The following CRKL variants were observed in gnomAD, a reference collection of about 807,000 sequenced individuals.
CRKL encodes crk-like protein.
In CRKL, 3 loss-of-function variants were observed where a neutral mutation model predicts 23.0. The ratio of observed to expected loss-of-function variants is 0.13; its 90% CI spans 0.06 to 0.34. CRKL has a LOEUF of 0.34. Among genes scored for constraint, CRKL ranks in the 10% least tolerant of loss-of-function variants. The pLI is 1.00. For synonymous variants in CRKL, 188 were observed against 160.7 expected (o/e 1.17, Z -1.28); for missense variants, 256 against 394.5 (o/e 0.65, Z 2.97).
intron 2 of CRKL, among the ~76,000 whole-genome samples, chr22:20,943,859 G>A (rs1921962495): frequency 6.6e-6 from 1 of 152,176 alleles, no homozygotes; most frequent in East Asian, 1.9e-4. Flanking sequence ...ATAAATGTGT[G>A]GGTTTATTTT....
intron 1 of CRKL, among the ~76,000 whole-genome samples, chr22:20,921,201 G>GC (rs1219617072): frequency 2.0e-5 from 3 of 152,196 alleles, no homozygotes; most frequent in African/African-American, 7.2e-5. Flanking sequence ...AGCTTTTAAA[G>GC]CCAGAGTTTC....
intron 1 of CRKL, among the ~76,000 whole-genome samples, chr22:20,932,828 G>A (rs1921504111): frequency 1.3e-5 from 2 of 152,178 alleles, no homozygotes; most frequent in African/African-American, 4.8e-5. Context: ...TGTAATGACA[G>A]CACTTTGGGA....
chr22:20,933,771 C>T lies in CRKL; in HGVS notation c.312-8C>T. ...TTTCTCTTAGAGTAATTTTCTTTCT[C>T]TCTTAAGGTATCCAAGCCCACCAAT... is the stretch of plus-strand genomic sequence containing the variant. On this transcript the variant is annotated splice_region_variant and splice_polypyrimidine_tract_variant and intron_variant, in intron 1 of 2. Transcript: ENST00000354336. The T allele has an allele frequency of 6.2e-7, 1 of 1,605,930 alleles. No individual in the cohort carries two copies. Among genetic ancestry groups the T allele is most frequent in the South Asian group, 1.1e-5 (1 of 90,262 alleles).
chr22:20,940,902 T>C (rs138425339), intron 2 of CRKL, among the ~76,000 whole-genome samples: 1 of 152,272 alleles, frequency 6.6e-6, no homozygotes, highest in East Asian at 1.9e-4. Context: ...ATTTTCTTCA[T>C]TGCTGCATCT....
At chr22:20,925,269 A>G (rs1921157913) in intron 1 of CRKL, among the ~76,000 whole-genome samples, 1 of 151,458 alleles carries the variant, frequency 6.6e-6, no homozygotes, top group African/African-American at 2.4e-5. Context: ...ACTCAAATCC[A>G]CAGAATTGTG....
At chr22:20,922,086 C>T (rs1380892638) in intron 1 of CRKL, among the ~76,000 whole-genome samples, 1 of 144,824 alleles carries the variant, frequency 6.9e-6, no homozygotes. Flanking sequence ...AATCTCGGCT[C>T]ACTGCAACCT....
chr22:20,918,111 C>T lies in CRKL; in HGVS notation c.177C>T (p.Ser59=), dbSNP rs1233258957. 1.9e-6 allele frequency: 3 copies of T among 1,614,158 alleles called. No individual in the cohort carries two copies. Among genetic ancestry groups the T allele is most frequent in the Non-Finnish European group, 2.5e-6 (3 of 1,180,034 alleles). ...CGGTGTCCGAGAACTCGCGGGTCTCCCACTACATCATCAACTCGCTGCCCA... is the reference window on the plus strand; with the variant it reads ...CGGTGTCCGAGAACTCGCGGGTCTCTCACTACATCATCAACTCGCTGCCCA... ...VLSVSENSRV[S]HYIINSLPNR... The change falls in exon 1 of 3, where the codon TCC becomes TCT. Residue 59 remains serine (S), a synonymous_variant. Coordinates refer to ENST00000354336, the MANE Select transcript of CRKL (RefSeq NM_005207.4).
In CRKL at chr22:20,933,774, T is replaced by C; in HGVS notation, c.312-5T>C. The C allele has an allele frequency of 6.2e-7, 1 of 1,607,900 alleles. No homozygotes were observed. ...CTCTTAGAGTAATTTTCTTTCTCTC[T>C]TAAGGTATCCAAGCCCACCAATGGG... is the stretch of plus-strand genomic sequence containing the variant. On this transcript the variant is annotated splice_region_variant and splice_polypyrimidine_tract_variant and intron_variant, in intron 1 of 2. Transcript: ENST00000354336.
intron 2 of CRKL, among the ~76,000 whole-genome samples, chr22:20,941,449 G>A (rs1371488340): frequency 6.7e-6 from 1 of 149,288 alleles, no homozygotes; most frequent in Admixed American, 6.7e-5. Context: ...TGCAAATGTA[G>A]GAATCTTTAG....
chr22:20,941,157 C>G (rs5752294), intron 2 of CRKL, among the ~76,000 whole-genome samples: 1 of 152,060 alleles, frequency 6.6e-6, no homozygotes, highest in Non-Finnish European at 1.5e-5. Flanking sequence ...ACGTCACATT[C>G]TAGCAACGTG....
chr22:20,952,653 G>C lies in CRKL; in HGVS notation c.*2808G>C, dbSNP rs1488593689. The C allele has an allele frequency of 1.7e-5, 4 of 232,346 alleles. No homozygotes were observed. The highest frequency in any genetic ancestry group is 8.8e-5 in the African/African-American group (4 of 45,288). 14.4% of individuals were successfully genotyped at this position (232,346 alleles called of 1,614,324 possible). ...TGCACATCTGACCCAGAGGGTGGGT[G>C]TTCATAACTGCTACTTGCTCTGCTC... On this transcript the variant is annotated 3_prime_UTR_variant, in exon 3 of 3. Coordinates refer to ENST00000354336, the MANE Select transcript of CRKL (RefSeq NM_005207.4).
rs1198699701 is a variant in CRKL, at chr22:20,941,588, AT to A, written c.777+7368del. The stretch of plus-strand genomic sequence containing the variant: ...TGTGTGTGTGTGTGTGTATATATAT[AT>A]TTTTTTTTTTTTTTTTTTTTTTTGA... On this transcript the variant is annotated intron_variant, in intron 2 of 2. Coordinates refer to ENST00000354336, the MANE Select transcript of CRKL (RefSeq NM_005207.4). Among the ~76,000 whole-genome samples the A allele has an allele frequency of 9.1e-3, 305 of 33,516 alleles. 16 individuals carry two copies. Among genetic ancestry groups the A allele is most frequent in the Middle Eastern group, 0.018 (1 of 56 alleles). The allele number at this position is 33,516 out of a possible 152,430, so 22.0% of individuals were successfully genotyped here.
intron 2 of CRKL, 82 bp from the exon 3 acceptor site, chr22:20,949,629 T>A: frequency 6.4e-7 from 1 of 1,553,184 alleles, no homozygotes; most frequent in Non-Finnish European, 8.8e-7. Flanking sequence ...GCCCTTTGGA[T>A]AAGGTAGTGT....
At chr22:20,935,205 T>G (rs1486262168) in intron 2 of CRKL, among the ~76,000 whole-genome samples, 1 of 152,182 alleles carries the variant, frequency 6.6e-6, no homozygotes, top group Non-Finnish European at 1.5e-5. Flanking sequence ...GTCTGCCTCC[T>G]GGGTTCAAAT....
chr22:20,947,133 A>G (rs1922089956), intron 2 of CRKL, among the ~76,000 whole-genome samples: 1 of 142,872 alleles, frequency 7.0e-6, no homozygotes, highest in African/African-American at 2.6e-5. Flanking sequence ...CTGCTGGTCC[A>G]GGTTCCCTCT....
chr22:20,921,185 A>G (rs939187348), intron 1 of CRKL, among the ~76,000 whole-genome samples: 3 of 152,236 alleles, frequency 2.0e-5, no homozygotes, highest in Non-Finnish European at 4.4e-5. Flanking sequence ...GCAGGCATCA[A>G]AACTGAGCTT....
At chr22:20,931,370 C>T (rs1921447029) in intron 1 of CRKL, among the ~76,000 whole-genome samples, 1 of 152,114 alleles carries the variant, frequency 6.6e-6, no homozygotes, top group Non-Finnish European at 1.5e-5. Flanking sequence ...TTGTGCCACT[C>T]TGCACTCCAG....
intron 2 of CRKL, among the ~76,000 whole-genome samples, chr22:20,944,139 CT>C (rs57177824): frequency 0.011 from 1,168 of 105,850 alleles, 6 homozygotes; most frequent in African/African-American, 0.025. Context: ...GTAGTATTAG[CT>C]TTTTTTTTTT....
chr22:20,923,820 T>G (rs866614953), intron 1 of CRKL, among the ~76,000 whole-genome samples: 3 of 146,120 alleles, frequency 2.1e-5, no homozygotes, highest in South Asian at 2.2e-4. Flanking sequence ...TCAGGGGATC[T>G]GCTCGCCTCG....
Sources: gnomAD v4.1 joint callset for allele counts (sites outside exome capture counted in the v4.1 genomes callset) on GRCh38, gnomAD v4.1.1 for gene constraint, MANE v1.5 for transcripts, NCBI Gene and HGNC (gene_info 2026-07-23, HGNC 2026-07-21) for gene names.